Variants in MTERF3 observed in about 807,000 individuals in gnomAD.
MTERF3 encodes mitochondrial transcription termination factor 3, also known as transcription termination factor 3, mitochondrial.
A neutral mutation model predicts 40.5 loss-of-function variants in MTERF3; 40 were observed. That is an observed-to-expected ratio of 0.99 (90% CI 0.77 to 1.29). MTERF3 has a LOEUF of 1.29. Ranked by LOEUF, MTERF3 falls within the 50% of genes most tolerant of loss-of-function variation. The pLI is 0.00. For synonymous variants in MTERF3, 158 were observed against 166.6 expected, an observed-to-expected ratio of 0.95 and a Z score of 0.40; for missense variants, 452 against 478.2, an observed-to-expected ratio of 0.95 and a Z score of 0.51.
chr8:96,250,649 A>AGAC (rs1810145257), intron 4 of MTERF3, among the ~76,000 whole-genome samples: 2 of 34,744 alleles, frequency 5.8e-5, no homozygotes, highest in Admixed American at 2.3e-4. Flanking sequence ...AAGAAGAAGA[A>AGAC]GAAGAAGAAG....
chr8:96,242,400 T>A (rs1809945791), intron 7 of MTERF3, among the ~76,000 whole-genome samples: 1 of 152,176 alleles, frequency 6.6e-6, no homozygotes, highest in African/African-American at 2.4e-5. Flanking sequence ...TAAACACCAC[T>A]CCCTCTTCTA....
intron 7 of MTERF3, among the ~76,000 whole-genome samples, chr8:96,242,211 C>G (rs1484117117): frequency 6.6e-6 from 1 of 151,922 alleles, no homozygotes; most frequent in Non-Finnish European, 1.5e-5. Context: ...TGTTTTTATT[C>G]CCCAATAATT....
chr8:96,240,533 T>C (rs1019888062), intron 7 of MTERF3, among the ~76,000 whole-genome samples: 1 of 152,150 alleles, frequency 6.6e-6, no homozygotes, highest in African/African-American at 2.4e-5. Context: ...CTAGGGAAAG[T>C]ATGTCTTACC....
Position 96,251,067 on chromosome 8 carries a change from A to G in MTERF3, c.516T>C (p.His172=). The G allele has an allele frequency of 6.3e-7, 1 of 1,586,836 alleles. No homozygotes were observed. The highest frequency in any genetic ancestry group is 8.5e-7 in the Non-Finnish European group (1 of 1,173,650). ...LGVDLSKIEK[H]PEAANLLLRL... ...TCAGAAGGAGGTTTGCTGCTTCTGGATGTTTTTCTATCTTGGACAAATCCA... is the reference window on the plus strand; with the variant it reads ...TCAGAAGGAGGTTTGCTGCTTCTGGGTGTTTTTCTATCTTGGACAAATCCA... The change falls in exon 4 of 8, where the codon CAT becomes CAC. Residue 172 remains histidine, a synonymous_variant. Transcript: ENST00000287025.
rs1339340069 is a variant in MTERF3 at position 96,246,384 on chromosome 8, A to G, written c.748T>C (p.Leu250=). The change falls in exon 5 of 8, where the codon TTG becomes CTG. Residue 250 remains leucine, a synonymous_variant. Coordinates refer to ENST00000287025, the MANE Select transcript of MTERF3 (RefSeq NM_015942.5). ...AGTCTTTCCACTGAAAAGTTCAGCA[A>G]AAATGGTGCTTTTCTGACCATCTGT... ...VAQMVRKAPF[L]LNFSVERLDN... 1.2e-6 allele frequency: 2 copies of G among 1,613,120 alleles called. No individual in the cohort carries two copies. The highest frequency in any genetic ancestry group is 1.7e-6 in the Non-Finnish European group (2 of 1,179,798).
intron 4 of MTERF3, among the ~76,000 whole-genome samples, chr8:96,249,649 T>C (rs906976464): frequency 1.3e-5 from 2 of 152,190 alleles, no homozygotes; most frequent in African/African-American, 4.8e-5. Context: ...CAAAGCTCTC[T>C]GAAATGTAGT....
At chr8:96,241,219 G>T (rs957351603) in intron 7 of MTERF3, among the ~76,000 whole-genome samples, 1 of 151,996 alleles carries the variant, frequency 6.6e-6, no homozygotes. Context: ...AGACCATCCT[G>T]GCCAACATGG....
At chr8:96,253,393 C>T (rs1810221428) in intron 3 of MTERF3, among the ~76,000 whole-genome samples, 2 of 152,134 alleles carry the variant, frequency 1.3e-5, no homozygotes, top group Admixed American at 1.3e-4. Context: ...AAAAATATCC[C>T]CACCTGACCC....
Position 96,250,538 on chromosome 8 carries a change from C to G in MTERF3, c.677+368G>C, listed in dbSNP as rs980219890. ...ACAGCCTGGCCAATGTGGCGAAACC[C>G]CATCTCTCCTAAAAATACAAAAATT... is the stretch of plus-strand genomic sequence containing the variant. On this transcript the variant is annotated intron_variant, in intron 4 of 7. Coordinates refer to ENST00000287025, the MANE Select transcript of MTERF3 (RefSeq NM_015942.5). Among the ~76,000 whole-genome samples the G allele has an allele frequency of 7.5e-5, 11 of 145,882 alleles. 1 individual carries two copies. In the Admixed American group the frequency reaches 7.7e-4, roughly 10 times the overall value.
At chr8:96,259,913 A>AT (rs962074104) in intron 1 of MTERF3, among the ~76,000 whole-genome samples, 5 of 150,386 alleles carry the variant, frequency 3.3e-5, no homozygotes, top group Non-Finnish European at 5.9e-5. Context: ...TATTATTATT[A>AT]TTTTTTTTGA....
chr8:96,253,019 A>C (rs1262763036), intron 3 of MTERF3, among the ~76,000 whole-genome samples: 1 of 152,204 alleles, frequency 6.6e-6, no homozygotes, highest in Non-Finnish European at 1.5e-5. Flanking sequence ...AAAAAAGAAT[A>C]ATACACGATT....
Position 96,250,944 on chromosome 8 carries a change from A to G in MTERF3, c.639T>C (p.His213=). 6.2e-7 allele frequency: 1 copy of G among 1,609,528 alleles called. No individual in the cohort carries two copies. Among genetic ancestry groups the G allele is most frequent in the Non-Finnish European group, 8.5e-7 (1 of 1,178,974 alleles). ...TTTCAAGGTCTTCAGAGAAAATTGC[A>G]TGATTTTTTGTCAGGAATGCTCCCA... is the stretch of plus-strand genomic sequence containing the variant. ...NQLGAFLTKN[H]AIFSEDLENL... is the part of the protein sequence containing the mutation. Residue 213 remains histidine (H), a synonymous_variant, in exon 4 of 8, where the codon CAT becomes CAC. Transcript: ENST00000287025.
At position 96,246,555 on chromosome 8, in the gene MTERF3, A is replaced by T. The variant is rs1810025911; in HGVS notation, c.678-101T>A. ...TCCCAAAGTAACAGCTGTTTTTAAA[A>T]AGGCTCCCACACCCTAAATTACTAA... On this transcript the variant is annotated intron_variant, in intron 4 of 7. Coordinates refer to ENST00000287025, the MANE Select transcript of MTERF3 (RefSeq NM_015942.5). 2.2e-5 allele frequency: 24 copies of T among 1,069,310 alleles called. No individual in the cohort carries two copies. In the South Asian group the frequency reaches 4.7e-4, roughly 21 times the overall value. 66.2% of individuals were successfully genotyped at this position (1,069,310 alleles called of 1,614,324 possible).
At chr8:96,243,843 G>C in intron 7 of MTERF3, 76 bp downstream of exon 7, 2 of 1,483,276 alleles carry the variant, frequency 1.3e-6, no homozygotes, top group Non-Finnish European at 1.9e-6. Flanking sequence ...CCAGCGTACA[G>C]AACTATGCAG....
chr8:96,255,467 C>T (rs1018731971), intron 3 of MTERF3, among the ~76,000 whole-genome samples: 4 of 152,034 alleles, frequency 2.6e-5, no homozygotes, highest in South Asian at 2.1e-4. Flanking sequence ...GGTGAAACCT[C>T]GTCTCTACTA....
In MTERF3 at chr8:96,258,687, C is replaced by T. The variant is rs757722051; in HGVS notation, c.4G>A (p.Ala2Thr). Reference sequence around the variant, plus strand: ...CTGGGTATCTGTTGGGCTGACAAAGCCATTTTTCTTAGTCTACAAAGGAAA... The same window carrying T: ...CTGGGTATCTGTTGGGCTGACAAAGTCATTTTTCTTAGTCTACAAAGGAAA... Reference protein sequence around the residue: MALSAQQIPRWF... With the variant: MTLSAQQIPRWF... Residue 2 changes from alanine (A) to threonine (T), a missense_variant, in exon 2 of 8, where the codon GCT becomes ACT. Transcript: ENST00000287025. 2.5e-6 allele frequency: 4 copies of T among 1,590,506 alleles called. No individual in the cohort carries two copies. In the South Asian group the frequency reaches 3.4e-5, roughly 13 times the overall value.
intron 4 of MTERF3, among the ~76,000 whole-genome samples, chr8:96,248,836 T>C (rs941075829): frequency 3.3e-5 from 5 of 152,228 alleles, no homozygotes; most frequent in Admixed American, 6.5e-5. Flanking sequence ...AGTGCTGTTA[T>C]AGAAATAAGA....
At position 96,246,468 on chromosome 8, in the gene MTERF3, A is replaced by C; in HGVS notation, c.678-14T>G. 1.9e-6 allele frequency: 3 copies of C among 1,592,960 alleles called. No individual in the cohort carries two copies. The highest frequency in any genetic ancestry group is 2.6e-6 in the Non-Finnish European group (3 of 1,172,116). ...AGATAAGCCACCCTAGAGAAACATA[A>C]ATACATACGCATGTGATAAACACTT... On this transcript the variant is annotated splice_polypyrimidine_tract_variant and intron_variant, in intron 4 of 7. Coordinates refer to ENST00000287025, the MANE Select transcript of MTERF3 (RefSeq NM_015942.5).
chr8:96,248,049 A>G (rs567299605), intron 4 of MTERF3, among the ~76,000 whole-genome samples: 1 of 152,348 alleles, frequency 6.6e-6, no homozygotes, highest in Non-Finnish European at 1.5e-5. Flanking sequence ...TATACAATCA[A>G]CTGAAAGCAA....
Sources: allele counts gnomAD v4.1 joint callset (sites outside exome capture counted in the v4.1 genomes callset), GRCh38; gene constraint gnomAD v4.1.1; transcripts MANE v1.5; gene names NCBI Gene and HGNC (gene_info 2026-07-23, HGNC 2026-07-21).